Variants in KRT85 observed in about 807,000 individuals in gnomAD.
The protein encoded by KRT85 is keratin, type II cuticular Hb5.
In KRT85, 39 loss-of-function variants were observed where a neutral mutation model predicts 53.7. The ratio of observed to expected loss-of-function variants is 0.73; its 90% confidence interval spans 0.56 to 0.95. KRT85 has a LOEUF of 0.95. Among genes scored for constraint, KRT85 ranks in the 40% least tolerant of loss-of-function variants. The pLI, the probability that KRT85 is intolerant of heterozygous loss-of-function variation, is 0.00. For synonymous variants in KRT85, 291 were observed against 277.5 expected, an observed-to-expected ratio of 1.05 and a Z score of -0.48; for missense variants, 668 against 686.0, an observed-to-expected ratio of 0.97 and a Z score of 0.29.
intron 1 of KRT85, 33 bp downstream of exon 1, chr12:52,366,951 GGA>G (rs747089393): frequency 1.9e-6 from 3 of 1,613,974 alleles, no homozygotes; most frequent in Admixed American, 3.3e-5. Flanking sequence ...GGACAGGGCT[GGA>G]GGCTTCTCTG....
At chr12:52,365,545 C>A (rs1026761862) in intron 1 of KRT85, among the ~76,000 whole-genome samples, 1 of 152,216 alleles carries the variant, frequency 6.6e-6, no homozygotes, top group African/African-American at 2.4e-5. Context: ...AGTAAATGCT[C>A]AGTCTATTTA....
At position 52,364,194 on chromosome 12, in the gene KRT85, C is replaced by A. The variant is rs753422972; in HGVS notation, c.691-31G>T. The A allele has an allele frequency of 1.9e-6, 3 of 1,612,842 alleles. No individual in the cohort carries two copies. In the African/African-American group the frequency reaches 4.0e-5, roughly 22 times the overall value. On this transcript the variant is annotated intron_variant, in intron 3 of 8. Coordinates refer to ENST00000257901, the MANE Select transcript of KRT85 (RefSeq NM_002283.4). Reference sequence around the variant, plus strand: ...CGTGGGACAAAGAGGAGGGGACATGCATGTGAGAGGAGACCAAAGAAAGGT... The same window carrying A: ...CGTGGGACAAAGAGGAGGGGACATGAATGTGAGAGGAGACCAAAGAAAGGT...
intron 7 of KRT85, among the ~76,000 whole-genome samples, chr12:52,361,818 TG>T (rs1939195059): frequency 6.8e-6 from 1 of 146,152 alleles, no homozygotes; most frequent in Non-Finnish European, 1.5e-5. Context: ...GAAGGGGCTT[TG>T]TGGTTGATGA....
chr12:52,362,223 A>G (rs1200013366), intron 7 of KRT85, 28 bp downstream of exon 7: 8 of 1,613,842 alleles, frequency 5.0e-6, no homozygotes, highest in Non-Finnish European at 6.8e-6. Context: ...TCCACCTCTG[A>G]AACCCCACAA....
chr12:52,366,328 T>A lies in KRT85; in HGVS notation c.420+658A>T, dbSNP rs540644315. On this transcript the variant is annotated intron_variant, in intron 1 of 8. Coordinates refer to ENST00000257901, the MANE Select transcript of KRT85 (RefSeq NM_002283.4). ...TGTATTGAGTGCTGACTATTTGCCA[T>A]CATGTTTCATGCATGGACTCATTAA... Among the ~76,000 whole-genome samples, 19 of 152,340 alleles carry A rather than the reference T, an allele frequency of 1.2e-4. 1 individual carries two copies. The South Asian group carries it at 1.7e-3, about 13-fold the overall frequency.
intron 2 of KRT85, chr12:52,364,731 T>C: frequency 7.2e-7 from 1 of 1,388,776 alleles, no homozygotes; most frequent in Non-Finnish European, 9.5e-7. Context: ...AGAATTCCAC[T>C]GGATTTCCTC....
At chr12:52,363,064 G>C (rs572711402) in intron 5 of KRT85, 85 bp from the exon 6 acceptor site, 10 of 1,602,510 alleles carry the variant, frequency 6.2e-6, no homozygotes, top group African/African-American at 1.3e-5. Flanking sequence ...CAGGTTGTAC[G>C]GTGCTCAGCC....
Position 52,363,307 on chromosome 12 carries a change from G to A in KRT85, c.890C>T (p.Ala297Val), listed in dbSNP as rs753936439. Residue 297 changes from alanine to valine, a missense_variant, in exon 5 of 9, where the codon GCT (alanine) becomes GTT (valine). Around this residue, in one of 3 missense-constraint regions of KRT85, gnomAD observed 488 missense variants for 498.1 expected, o/e 0.98. Transcript: ENST00000257901. ...GCGGCTGGCAACATCGTCATACTGA[G>A]CCTTGATCTCAGCGATGATGCAGTC... is the stretch of plus-strand genomic sequence containing the variant. ...NMDCIIAEIK[A>V]QYDDVASRSR... 2 of 1,614,200 alleles carry A rather than the reference G, an allele frequency of 1.2e-6. No individual in the cohort carries two copies. The highest frequency in any genetic ancestry group is 4.5e-5 in the East Asian group (2 of 44,878).
At position 52,363,971 on chromosome 12, in the gene KRT85, G is replaced by A. The variant is rs1037706973; in HGVS notation, c.786+97C>T. 5 of 945,570 alleles carry A rather than the reference G, an allele frequency of 5.3e-6. No individual in the cohort carries two copies. The African/African-American group carries it at 8.1e-5, about 15-fold the overall frequency. The allele number at this position is 945,570 out of a possible 1,614,324, so 58.6% of individuals were successfully genotyped here. On this transcript the variant is annotated intron_variant, in intron 4 of 8. Coordinates refer to ENST00000257901, the MANE Select transcript of KRT85 (RefSeq NM_002283.4). ...CTTTTCACACTTACATTGCACATTG[G>A]CAAACATAGGCACACACATGCACCC...
At chr12:52,366,283 A>G (rs1429638329) in intron 1 of KRT85, among the ~76,000 whole-genome samples, 2 of 152,244 alleles carry the variant, frequency 1.3e-5, no homozygotes, top group Non-Finnish European at 2.9e-5. Context: ...CTTGGAAAAT[A>G]ATGATAGTAG....
rs1281785413 is a variant in KRT85 at position 52,360,790 on chromosome 12, C to T, written c.*63G>A. The T allele has an allele frequency of 6.7e-7, 1 of 1,499,950 alleles. No homozygotes were observed. Among genetic ancestry groups the T allele is most frequent in the East Asian group, 2.3e-5 (1 of 44,334 alleles). 92.9% of individuals were successfully genotyped at this position (1,499,950 alleles called of 1,614,324 possible). A position where few individuals can be genotyped will look rare whatever the true frequency, so the allele number is the denominator to read the frequency against. The stretch of plus-strand genomic sequence containing the variant: ...CAAGCACACATTTTCCATTCACATG[C>T]CATTCAGTGCAGTGATGCAGGCAGG... On this transcript the variant is annotated 3_prime_UTR_variant, in exon 9 of 9. Transcript: ENST00000257901.
chr12:52,362,042 C>T (rs1186215460), intron 7 of KRT85, among the ~76,000 whole-genome samples: 1 of 152,194 alleles, frequency 6.6e-6, no homozygotes, highest in East Asian at 1.9e-4. Context: ...ATGGGAAAAA[C>T]CATATCTATC....
Position 52,361,471 on chromosome 12 carries a change from A to G in KRT85, c.1326T>C (p.Asn442=), listed in dbSNP as rs367619427. 6.2e-6 allele frequency: 10 copies of G among 1,613,950 alleles called. No individual in the cohort carries two copies. Among genetic ancestry groups the G allele is most frequent in the Middle Eastern group, 1.6e-4 (1 of 6,082 alleles). The change falls in exon 8 of 9, where the codon AAT becomes AAC. Residue 442 remains asparagine, a synonymous_variant. Coordinates refer to ENST00000257901, the MANE Select transcript of KRT85 (RefSeq NM_002283.4). ...GAATTTCAGGCAGATACTCACAGAC[A>G]TTCACAGAGCCCACACCTTCACACA... ...HRLCEGVGSV[N]VCVSSSRGGV... is the part of the protein sequence containing the mutation.
chr12:52,362,907 G>A lies in KRT85; in HGVS notation c.1024C>T (p.Leu342=). ...LRRTKEEINE[L]NRMIQRLTAE... ...GTCAGCCTCTGGATCATGCGGTTCA[G>A]CTCGTTGATCTCCTCCTTGGTGCGG... Residue 342 remains leucine (L), a synonymous_variant, in exon 6 of 9, where the codon CTG becomes TTG. Coordinates refer to ENST00000257901, the MANE Select transcript of KRT85 (RefSeq NM_002283.4). 1 of 1,614,154 alleles carries A rather than the reference G, an allele frequency of 6.2e-7. No individual in the cohort carries two copies. Among genetic ancestry groups the A allele is most frequent in the Non-Finnish European group, 8.5e-7 (1 of 1,180,032 alleles).
chr12:52,364,399 G>A, intron 2 of KRT85, 33 bp from the exon 3 acceptor site: 1 of 1,614,192 alleles, frequency 6.2e-7, no homozygotes, highest in African/African-American at 1.3e-5. Flanking sequence ...CTGGAGCTGA[G>A]AAACTGGACC....
Position 52,364,378 on chromosome 12 carries a change from A to T in KRT85, c.630-12T>A, listed in dbSNP as rs761740087. 3 of 1,614,104 alleles carry T rather than the reference A, an allele frequency of 1.9e-6. No homozygotes were observed. The highest frequency in any genetic ancestry group is 2.5e-6 in the Non-Finnish European group (3 of 1,180,030). On this transcript the variant is annotated splice_polypyrimidine_tract_variant and intron_variant, in intron 2 of 8. Transcript: ENST00000257901. ...CCTCCTCTTCATACCTGGGTGTGGG[A>T]GAGAGAAGGTCTGGAGCTGAGAAAC...
chr12:52,364,428 C>T, intron 2 of KRT85, 62 bp from the exon 3 acceptor site: 1 of 1,614,018 alleles, frequency 6.2e-7, no homozygotes, highest in Non-Finnish European at 8.5e-7. Flanking sequence ...CATCCCAACT[C>T]CTGGGCAAGT....
In KRT85 at chr12:52,367,153, C is replaced by A. The variant is rs755646157; in HGVS notation, c.253G>T (p.Gly85Trp). The change falls in exon 1 of 9, where the codon GGG becomes TGG. Residue 85 changes from glycine to tryptophan, a missense_variant. By Grantham distance (184) the Gly-to-Trp change is radical. Coordinates refer to ENST00000257901, the MANE Select transcript of KRT85 (RefSeq NM_002283.4). The part of the protein sequence containing the change: ...SCGRSFGYRS[G>W]GVCGPSPPCI... Reference sequence around the variant, plus strand: ...GGGGGGCTGGGTCCGCACACGCCCCCGGAGCGGTAGCCGAAGCTGCGTCCG... The same window carrying A: ...GGGGGGCTGGGTCCGCACACGCCCCAGGAGCGGTAGCCGAAGCTGCGTCCG... 6.2e-7 allele frequency: 1 copy of A among 1,613,572 alleles called. No homozygotes were observed. The highest frequency in any genetic ancestry group is 1.7e-5 in the Admixed American group (1 of 60,032).
intron 7 of KRT85, 147 bp from the exon 8 acceptor site, chr12:52,361,645 T>C: frequency 1.3e-6 from 1 of 760,008 alleles, no homozygotes. Flanking sequence ...CATTAAATGC[T>C]TTCTTTCTTT....
Sources: allele counts gnomAD v4.1 joint callset (sites outside exome capture counted in the v4.1 genomes callset), GRCh38; gene constraint gnomAD v4.1.1; regional missense constraint gnomAD v4.1.1; transcripts MANE v1.5; gene names NCBI Gene and HGNC (gene_info 2026-07-23, HGNC 2026-07-21).